SNX29: variants seen among roughly 807,000 people sequenced by gnomAD.
SNX29 encodes sorting nexin-29.
SNX29 carries 78 observed loss-of-function variants against 102.1 expected under a neutral mutation model. The ratio of observed to expected loss-of-function variants is 0.76; its 90% confidence interval spans 0.64 to 0.92. The LOEUF (loss-of-function observed/expected upper bound fraction) is 0.92, where lower values mean the gene tolerates loss of function less well. SNX29 is among the 40% of genes least tolerant of loss of function. The probability of loss-of-function intolerance (pLI) is 0.00; values close to 1 mark genes in which losing one functional copy is unlikely to be tolerated. For synonymous variants in SNX29, 580 were observed against 414.5 expected (o/e 1.40, Z -4.85); for missense variants, 1,280 against 1,061.7 (o/e 1.21, Z -2.86).
At chr16:12,064,428 T>G (rs1407193905) in intron 9 of SNX29, among the ~76,000 whole-genome samples, 1 of 152,126 alleles carries the variant, frequency 6.6e-6, no homozygotes, top group Non-Finnish European at 1.5e-5. Context: ...GCTCGCAGAG[T>G]CAGCTCCATC....
intron 20 of SNX29, among the ~76,000 whole-genome samples, chr16:12,558,325 C>T (rs1169287608): frequency 6.6e-6 from 1 of 150,894 alleles, no homozygotes; most frequent in East Asian, 1.9e-4. Context: ...AAGTGGCTAT[C>T]AACAAAGAGA....
chr16:12,130,064 A>T (rs2054391122), intron 13 of SNX29, among the ~76,000 whole-genome samples: 1 of 151,894 alleles, frequency 6.6e-6, no homozygotes, highest in African/African-American at 2.4e-5. Context: ...AAATCACACC[A>T]CTGCATTCCA....
chr16:12,394,475 C>T (rs2083648102), intron 16 of SNX29, among the ~76,000 whole-genome samples: 1 of 152,186 alleles, frequency 6.6e-6, no homozygotes, highest in African/African-American at 2.4e-5. Context: ...GAAACCACCC[C>T]AAAACTTAAT....
At chr16:12,236,007 A>G (rs1297258394) in intron 14 of SNX29, among the ~76,000 whole-genome samples, 3 of 152,152 alleles carry the variant, frequency 2.0e-5, no homozygotes, top group African/African-American at 7.2e-5. Flanking sequence ...GGACGGAATA[A>G]ATGTTATTTA....
intron 14 of SNX29, among the ~76,000 whole-genome samples, chr16:12,261,576 G>A (rs1227195741): frequency 1.5e-5 from 2 of 135,448 alleles, no homozygotes; most frequent in African/African-American, 2.8e-5. Flanking sequence ...CGGTCTGTGT[G>A]TGCATCCCTG....
rs959482691 is a variant in SNX29 at position 12,568,753 on chromosome 16, A to C, written c.*124A>C. On this transcript the variant is annotated 3_prime_UTR_variant, in exon 21 of 21. Coordinates refer to ENST00000566228, the MANE Select transcript of SNX29 (RefSeq NM_032167.5). ...CACCTGGTGATCCTGAGAGCACACG[A>C]TTCCCAACAGTTACACAACACCCCG... The C allele has an allele frequency of 2.9e-6, 4 of 1,390,646 alleles. No individual in the cohort carries two copies. The highest frequency in any genetic ancestry group is 2.5e-5 in the East Asian group (1 of 40,338). The allele number at this position is 1,390,646 out of a possible 1,614,324, so 86.1% of individuals were successfully genotyped here. A position where few individuals can be genotyped will look rare whatever the true frequency, so the allele number is the denominator to read the frequency against.
chr16:12,486,611 C>T (rs2088247383), intron 19 of SNX29, among the ~76,000 whole-genome samples: 1 of 152,246 alleles, frequency 6.6e-6, no homozygotes, highest in South Asian at 2.1e-4. Flanking sequence ...ACAGCCTATC[C>T]CACAAGAAGG....
intron 10 of SNX29, among the ~76,000 whole-genome samples, chr16:12,075,303 T>C (rs1315966824): frequency 6.6e-6 from 1 of 152,204 alleles, no homozygotes; most frequent in Non-Finnish European, 1.5e-5. Flanking sequence ...TTTCATCTAC[T>C]TTTGGTCTTT....
chr16:12,509,332 C>T (rs984479894), intron 19 of SNX29, among the ~76,000 whole-genome samples: 5 of 152,178 alleles, frequency 3.3e-5, no homozygotes, highest in African/African-American at 1.2e-4. Context: ...CTCAGCTGGT[C>T]CAGGGCCCAC....
intron 18 of SNX29, among the ~76,000 whole-genome samples, chr16:12,442,320 T>C (rs1256209750): frequency 6.6e-6 from 1 of 152,228 alleles, no homozygotes; most frequent in Non-Finnish European, 1.5e-5. Flanking sequence ...TTGATTACTC[T>C]GGCTTATTAG....
intron 11 of SNX29, among the ~76,000 whole-genome samples, chr16:12,084,610 A>C (rs1255259225): frequency 6.6e-6 from 1 of 152,090 alleles, no homozygotes; most frequent in Non-Finnish European, 1.5e-5. Flanking sequence ...CCGGGAGGGC[A>C]CACTCGGAAG....
chr16:12,311,696 T>C (rs1231726361), intron 15 of SNX29, among the ~76,000 whole-genome samples: 1 of 152,270 alleles, frequency 6.6e-6, no homozygotes, highest in Non-Finnish European at 1.5e-5. Context: ...GTTACTTGTT[T>C]CTTTGTATGT....
chr16:12,261,546 T>G, intron 14 of SNX29, among the ~76,000 whole-genome samples: 1 of 117,044 alleles, frequency 8.5e-6, no homozygotes, highest in African/African-American at 3.4e-5. Context: ...CCGGCTGGAG[T>G]AAGTGTTTGC....
intron 13 of SNX29, among the ~76,000 whole-genome samples, chr16:12,132,094 G>T (rs1222684693): frequency 6.7e-6 from 1 of 148,414 alleles, no homozygotes; most frequent in Non-Finnish European, 1.5e-5. Flanking sequence ...AGAATTATAT[G>T]CCCTGTCTTT....
intron 14 of SNX29, among the ~76,000 whole-genome samples, chr16:12,266,744 G>A (rs868110302): frequency 1.5e-4 from 22 of 147,164 alleles, no homozygotes; most frequent in South Asian, 2.1e-4. Context: ...TCTTGTTCTT[G>A]AGGGATGCAG....
intron 13 of SNX29, among the ~76,000 whole-genome samples, chr16:12,189,137 C>T (rs1567293251): frequency 6.6e-6 from 1 of 152,122 alleles, no homozygotes. Context: ...TTTTTCACCC[C>T]TGAGTCTGTT....
chr16:12,361,235 T>A (rs1304327314), intron 16 of SNX29, among the ~76,000 whole-genome samples: 1 of 152,088 alleles, frequency 6.6e-6, no homozygotes, highest in Non-Finnish European at 1.5e-5. Context: ...ACACCAGGGG[T>A]CCCAGCCTAC....
intron 18 of SNX29, among the ~76,000 whole-genome samples, chr16:12,441,962 T>A (rs2085827647): frequency 1.3e-5 from 2 of 152,156 alleles, no homozygotes; most frequent in Admixed American, 1.3e-4. Context: ...CTAATTTTTG[T>A]AGAGATGGGG....
chr16:12,033,534 C>G (rs2057397813), intron 4 of SNX29, among the ~76,000 whole-genome samples: 2 of 152,210 alleles, frequency 1.3e-5, no homozygotes, highest in South Asian at 2.1e-4. Flanking sequence ...CATGGTTCAC[C>G]TGGACTGTGC....
Sources: gnomAD v4.1 joint callset for allele counts (sites outside exome capture counted in the v4.1 genomes callset) on GRCh38, gnomAD v4.1.1 for gene constraint, MANE v1.5 for transcripts, NCBI Gene and HGNC (gene_info 2026-07-23, HGNC 2026-07-21) for gene names.